NPR3: variants seen among roughly 807,000 people sequenced by gnomAD.
NPR3 encodes atrial natriuretic peptide receptor 3.
In NPR3, 34 loss-of-function variants were observed where a neutral mutation model predicts 54.5. The ratio of observed to expected loss-of-function variants is 0.62; its 90% CI spans 0.47 to 0.83. The LOEUF is 0.83. Ranked by LOEUF, NPR3 falls within the 40% of genes least tolerant of loss-of-function variation. NPR3 has a pLI of 0.00. For synonymous variants in NPR3, 289 were observed against 297.1 expected, an observed-to-expected ratio of 0.97 and a Z score of 0.28; for missense variants, 674 against 720.8, an observed-to-expected ratio of 0.94 and a Z score of 0.74.
At chr5:32,696,019 A>C (rs1159102681) in intron 1 of NPR3, among the ~76,000 whole-genome samples, 2 of 152,130 alleles carry the variant, frequency 1.3e-5, no homozygotes, top group Non-Finnish European at 2.9e-5. Context: ...GAAGCTTTTC[A>C]ATTTGATGTG....
chr5:32,775,463 T>G (rs931215723), intron 4 of NPR3, among the ~76,000 whole-genome samples: 11 of 152,108 alleles, frequency 7.2e-5, no homozygotes, highest in Non-Finnish European at 4.4e-5. Context: ...CCTGGCTAAT[T>G]TTTGTATTGT....
upstream of NPR3, chr5:32,710,682 G>T (rs1467120645): frequency 6.5e-7 from 1 of 1,541,546 alleles, no homozygotes; most frequent in Non-Finnish European, 8.7e-7. Flanking sequence ...TCTGCACTGG[G>T]ACCTTGGTCC....
intron 3 of NPR3, among the ~76,000 whole-genome samples, chr5:32,759,198 G>T (rs1282305631): frequency 6.6e-6 from 1 of 152,204 alleles, no homozygotes; most frequent in Non-Finnish European, 1.5e-5. Context: ...AATGTTGACA[G>T]TGGGGTGTTA....
chr5:32,704,389 TG>T lies in NPR3; in HGVS notation c.100+15204del. ...GGCTCTTTGTGTGTGTGTGTGTGTG[TG>T]TGTGTGTGTGTGTATAGTTGTTCAA... On this transcript the variant is annotated intron_variant, in intron 1 of 5. Transcript: ENST00000509104. Among the ~76,000 whole-genome samples the T allele has an allele frequency of 1.3e-5, 2 of 151,910 alleles. 1 individual carries two copies. The highest frequency in any genetic ancestry group is 1.3e-4 in the Admixed American group (2 of 15,252).
Position 32,704,370 on chromosome 5 carries a change from T to TTGTGTGTGTGTG in NPR3, c.100+15206_100+15217dup, listed in dbSNP as rs57959913. On this transcript the variant is annotated intron_variant, in intron 1 of 5. Coordinates refer to the NPR3 transcript ENST00000509104. ...TCTTATGAAGTGTTCTTTTGGCTCT[T>TTGTGTGTGTGTG]TGTGTGTGTGTGTGTGTGTGTGTGT... Among the ~76,000 whole-genome samples, 296 of 146,884 alleles carry TTGTGTGTGTGTG rather than the reference T, an allele frequency of 2.0e-3. 3 individuals carry two copies. The highest frequency in any genetic ancestry group is 5.3e-3 in the South Asian group (24 of 4,522).
intron 3 of NPR3, among the ~76,000 whole-genome samples, chr5:32,753,624 CTTTTTTTTTTTTTTTT>C (rs70961660): frequency 9.7e-6 from 1 of 102,810 alleles, no homozygotes; most frequent in Non-Finnish European, 1.9e-5. Context: ...TCTCAGCATC[CTTTTTTTTTTTTTTTT>C]TTTTTTTTTT....
intron 2 of NPR3, among the ~76,000 whole-genome samples, chr5:32,731,260 C>T (rs995981735): frequency 4.6e-5 from 7 of 152,218 alleles, no homozygotes; most frequent in African/African-American, 1.7e-4. Context: ...ATACAACTTA[C>T]AAAGTATACT....
At chr5:32,721,163 G>A (rs1421504664) in intron 1 of NPR3, among the ~76,000 whole-genome samples, 1 of 152,148 alleles carries the variant, frequency 6.6e-6, no homozygotes, top group Non-Finnish European at 1.5e-5. Flanking sequence ...AACTGGAACT[G>A]GATGATAATG....
chr5:32,764,708 A>C (rs1246606426), intron 3 of NPR3, among the ~76,000 whole-genome samples: 1 of 146,526 alleles, frequency 6.8e-6, no homozygotes, highest in East Asian at 2.1e-4. Flanking sequence ...GAATTGCTTG[A>C]ACCCAGGAGG....
At chr5:32,759,024 C>A (rs927843587) in intron 3 of NPR3, among the ~76,000 whole-genome samples, 1 of 152,150 alleles carries the variant, frequency 6.6e-6, no homozygotes, top group Non-Finnish European at 1.5e-5. Context: ...TTACTTCCAA[C>A]TATGTGGTCA....
chr5:32,721,008 T>C (rs1407028008), intron 1 of NPR3, among the ~76,000 whole-genome samples: 1 of 152,200 alleles, frequency 6.6e-6, no homozygotes, highest in Non-Finnish European at 1.5e-5. Context: ...AACCTTTTGA[T>C]TGTATAAAGG....
intron 1 of NPR3, among the ~76,000 whole-genome samples, chr5:32,696,381 T>C (rs1474503894): frequency 6.6e-6 from 1 of 152,194 alleles, no homozygotes; most frequent in Non-Finnish European, 1.5e-5. Flanking sequence ...GCTAGTACCA[T>C]GCTGTTTTGG....
chr5:32,769,173 T>A (rs1037048913), intron 3 of NPR3, among the ~76,000 whole-genome samples: 4 of 152,190 alleles, frequency 2.6e-5, no homozygotes, highest in Non-Finnish European at 5.9e-5. Context: ...TTATGGCAGT[T>A]GCTGCTGTGA....
intron 1 of NPR3, among the ~76,000 whole-genome samples, chr5:32,714,546 T>A (rs1211130488): frequency 3.3e-5 from 5 of 151,820 alleles, no homozygotes; most frequent in Admixed American, 1.3e-4. Context: ...GGGGTGAAAG[T>A]TTGCTTAACT....
chr5:32,771,243 G>A (rs1444247455), intron 3 of NPR3, among the ~76,000 whole-genome samples: 1 of 152,150 alleles, frequency 6.6e-6, no homozygotes, highest in Non-Finnish European at 1.5e-5. Context: ...AACCTCCCCC[G>A]CAGTGGGCGG....
At chr5:32,769,417 C>G (rs1438835984) in intron 3 of NPR3, among the ~76,000 whole-genome samples, 3 of 152,158 alleles carry the variant, frequency 2.0e-5, no homozygotes, top group Non-Finnish European at 4.4e-5. Flanking sequence ...AGAAGGTGGT[C>G]CAGCCATTGT....
intron 1 of NPR3, among the ~76,000 whole-genome samples, chr5:32,717,643 T>A (rs1471587593): frequency 6.6e-6 from 1 of 152,240 alleles, no homozygotes; most frequent in Non-Finnish European, 1.5e-5. Flanking sequence ...GTTGGCTGCA[T>A]AAATGTCTTC....
intron 3 of NPR3, among the ~76,000 whole-genome samples, chr5:32,766,136 C>A (rs764604037): frequency 2.0e-5 from 3 of 152,204 alleles, no homozygotes; most frequent in African/African-American, 4.8e-5. Context: ...TATATATCAG[C>A]ACAGAGCTGG....
At chr5:32,691,953 A>G (rs1356094512) in intron 1 of NPR3, among the ~76,000 whole-genome samples, 2 of 152,264 alleles carry the variant, frequency 1.3e-5, no homozygotes, top group African/African-American at 4.8e-5. Flanking sequence ...CAATTTCTAT[A>G]TTGGAATAAT....
Sources: allele counts gnomAD v4.1 joint callset (sites outside exome capture counted in the v4.1 genomes callset), GRCh38; gene constraint gnomAD v4.1.1; transcripts MANE v1.5; gene names NCBI Gene and HGNC (gene_info 2026-07-23, HGNC 2026-07-21).